Variants in DOCK7 observed in about 807,000 individuals in gnomAD.
The protein encoded by DOCK7 is dedicator of cytokinesis 7, also known as dedicator of cytokinesis protein 7.
DOCK7 carries 138 observed loss-of-function variants against 271.0 expected under a neutral mutation model. The ratio of observed to expected loss-of-function variants is 0.51; its 90% CI spans 0.44 to 0.59. The LOEUF is 0.59. Among genes scored for constraint, DOCK7 ranks in the 20% least tolerant of loss-of-function variants. DOCK7 has a pLI of 0.00. For synonymous variants in DOCK7, 823 were observed against 876.1 expected (o/e 0.94, Z 1.07); for missense variants, 2,066 against 2,592.4 (o/e 0.80, Z 4.41).
chr1:62,647,959 T>C, intron 6 of DOCK7, 147 bp downstream of exon 6: 1 of 826,946 alleles, frequency 1.2e-6, no homozygotes, highest in Non-Finnish European at 1.9e-6. Context: ...GAATAGTAAA[T>C]TCACTAGTAT....
At chr1:62,622,120 C>A (rs192415323) in intron 12 of DOCK7, among the ~76,000 whole-genome samples, 2 of 152,260 alleles carry the variant, frequency 1.3e-5, no homozygotes, top group East Asian at 3.9e-4. Flanking sequence ...TTTGTCAGAG[C>A]TATGAGCACA....
intron 31 of DOCK7, among the ~76,000 whole-genome samples, chr1:62,522,373 A>G (rs1201930536): frequency 2.0e-5 from 3 of 152,178 alleles, no homozygotes; most frequent in Non-Finnish European, 4.4e-5. Context: ...CAGGATTTCA[A>G]TGTTGGTTTA....
chr1:62,637,684 T>C (rs993957771), intron 7 of DOCK7, among the ~76,000 whole-genome samples: 8 of 152,308 alleles, frequency 5.3e-5, no homozygotes, highest in Admixed American at 3.9e-4. Flanking sequence ...GAGACTTTAA[T>C]AAAGGGACAT....
chr1:62,593,367 C>T (rs1648743090), intron 14 of DOCK7, among the ~76,000 whole-genome samples: 2 of 152,032 alleles, frequency 1.3e-5, no homozygotes, highest in Admixed American at 6.6e-5. Context: ...GTCAGGAGTT[C>T]GAGACCAGTC....
At position 62,457,607 on chromosome 1, in the gene DOCK7, G is replaced by A; in HGVS notation, c.6311C>T (p.Ala2104Val). ...CTTTCTGTTGATCAGTGGCTGTAGGGCCTCTTTAAGGCGATGATAGTTTCT... is the reference window on the plus strand; with the variant it reads ...CTTTCTGTTGATCAGTGGCTGTAGGACCTCTTTAAGGCGATGATAGTTTCT... ...LERNYHRLKE[A>V]LQPLINRKIP... Residue 2104 changes from alanine (A) to valine (V), a missense_variant, in exon 49 of 50, where the codon GCC (alanine) becomes GTC (valine). Coordinates refer to ENST00000635253, the MANE Select transcript of DOCK7 (RefSeq NM_001367561.1). 1 of 1,614,112 alleles carries A rather than the reference G, an allele frequency of 6.2e-7. No homozygotes were observed. The highest frequency in any genetic ancestry group is 8.5e-7 in the Non-Finnish European group (1 of 1,180,000).
intron 16 of DOCK7, among the ~76,000 whole-genome samples, chr1:62,581,993 G>T (rs1647138720): frequency 6.6e-6 from 1 of 152,130 alleles, no homozygotes; most frequent in African/African-American, 2.4e-5. Flanking sequence ...TTATATTCTG[G>T]AAGAGGTTAA....
chr1:62,614,260 T>C (rs1159550463), intron 14 of DOCK7, among the ~76,000 whole-genome samples: 1 of 152,088 alleles, frequency 6.6e-6, no homozygotes, highest in Non-Finnish European at 1.5e-5. Context: ...GCTGAGGTTG[T>C]CATACATCCC....
intron 7 of DOCK7, among the ~76,000 whole-genome samples, chr1:62,639,590 A>G (rs1464557677): frequency 6.6e-6 from 1 of 151,584 alleles, no homozygotes; most frequent in Non-Finnish European, 1.5e-5. Flanking sequence ...GCATGCCACC[A>G]CACCCAGCCA....
chr1:62,548,236 C>G lies in DOCK7; in HGVS notation c.2767-3197G>C, dbSNP rs552956515. Among the ~76,000 whole-genome samples, 15 of 148,974 alleles carry G rather than the reference C, an allele frequency of 1.0e-4. No homozygotes were observed. In the East Asian group the frequency reaches 3.0e-3, roughly 29 times the overall value. On this transcript the variant is annotated intron_variant, in intron 22 of 49. Coordinates refer to ENST00000635253, the MANE Select transcript of DOCK7 (RefSeq NM_001367561.1). ...CAGACAAAAAAAAAAAGACAAAAAA[C>G]AGAATAACAGGATTAGAAGGCTGAG... is the stretch of plus-strand genomic sequence containing the variant.
In DOCK7 at chr1:62,487,663, C is replaced by G; in HGVS notation, c.5494-251G>C. The G allele has an allele frequency of 7.6e-6, 3 of 394,208 alleles. No individual in the cohort carries two copies. The South Asian group carries it at 1.2e-4, about 16-fold the overall frequency. 24.4% of individuals were successfully genotyped at this position (394,208 alleles called of 1,614,324 possible). A position where few individuals can be genotyped will look rare whatever the true frequency, so the allele number is the denominator to read the frequency against. On this transcript the variant is annotated intron_variant, in intron 42 of 49. Coordinates refer to ENST00000635253, the MANE Select transcript of DOCK7 (RefSeq NM_001367561.1). ...AATTTTAGGGAAAGAGAGCCAGCAG[C>G]TTGTTCCATTTACATGTTTAAGTAA... is the stretch of plus-strand genomic sequence containing the variant.
intron 37 of DOCK7, among the ~76,000 whole-genome samples, chr1:62,499,630 T>A (rs913781488): frequency 6.6e-6 from 1 of 151,946 alleles, no homozygotes; most frequent in Non-Finnish European, 1.5e-5. Flanking sequence ...TCCCAGCACT[T>A]TGGGAGGCCA....
chr1:62,538,856 C>T (rs1370871797), intron 27 of DOCK7, among the ~76,000 whole-genome samples: 1 of 152,148 alleles, frequency 6.6e-6, no homozygotes, highest in Non-Finnish European at 1.5e-5. Context: ...GTTTGAACTT[C>T]TCAATAATTC....
At chr1:62,667,846 C>T (rs1410605899) in intron 1 of DOCK7, among the ~76,000 whole-genome samples, 1 of 152,036 alleles carries the variant, frequency 6.6e-6, no homozygotes, top group Non-Finnish European at 1.5e-5. Flanking sequence ...GGTGAAACCC[C>T]GTCTCTACGA....
chr1:62,688,280 G>A lies in DOCK7; in HGVS notation c.-16C>T, dbSNP rs1170295588. 5.7e-5 allele frequency: 73 copies of A among 1,273,074 alleles called. No homozygotes were observed. The highest frequency in any genetic ancestry group is 7.2e-5 in the Non-Finnish European group (72 of 1,002,892). 78.9% of individuals were successfully genotyped at this position (1,273,074 alleles called of 1,614,324 possible). A position where few individuals can be genotyped will look rare whatever the true frequency, so the allele number is the denominator to read the frequency against. ...GCTCGGCCATGGCTGCTGCGGCGAC[G>A]GCGACGGCGGCGGCGGCTGCGGCGG... On this transcript the variant is annotated 5_prime_UTR_variant, in exon 1 of 50. Transcript: ENST00000635253.
At chr1:62,473,526 A>T (rs955501089) in intron 48 of DOCK7, among the ~76,000 whole-genome samples, 3 of 152,156 alleles carry the variant, frequency 2.0e-5, no homozygotes, top group Non-Finnish European at 4.4e-5. Context: ...GCTATTAAAG[A>T]GTAGTAAATT....
chr1:62,553,063 T>G, intron 21 of DOCK7, among the ~76,000 whole-genome samples, 162 bp from the exon 22 acceptor site: 1 of 117,410 alleles, frequency 8.5e-6, no homozygotes, highest in East Asian at 2.4e-4. Context: ...TGAGACAGAG[T>G]CTCTCTCTGT....
chr1:62,586,481 T>G (rs1005960374), intron 15 of DOCK7, 26 bp downstream of exon 15: 4 of 1,517,296 alleles, frequency 2.6e-6, no homozygotes, highest in Middle Eastern at 1.7e-4. Context: ...TACAAAAAAT[T>G]AGAAAAGTAA....
chr1:62,579,346 T>C (rs1043842059), intron 16 of DOCK7, among the ~76,000 whole-genome samples: 26 of 152,146 alleles, frequency 1.7e-4, no homozygotes, highest in African/African-American at 6.0e-4. Flanking sequence ...TTTTCCTTCA[T>C]AGGAGAATGC....
chr1:62,631,165 A>G (rs1654582894), intron 11 of DOCK7, 75 bp downstream of exon 11: 1 of 1,377,914 alleles, frequency 7.3e-7, no homozygotes, highest in Non-Finnish European at 9.8e-7. Flanking sequence ...AGCCTAGGCC[A>G]TAGAGCGAAA....
Sources: allele counts gnomAD v4.1 joint callset (sites outside exome capture counted in the v4.1 genomes callset), GRCh38; gene constraint gnomAD v4.1.1; transcripts MANE v1.5; gene names NCBI Gene and HGNC (gene_info 2026-07-23, HGNC 2026-07-21).